The following IPCEF1 variants were observed in gnomAD, a reference collection of about 807,000 sequenced individuals.
The protein encoded by IPCEF1 is interaction protein for cytohesin exchange factors 1, also known as interactor protein for cytohesin exchange factors 1.
A neutral mutation model predicts 50.9 loss-of-function variants in IPCEF1; 31 were observed. The observed-to-expected ratio is 0.61, with a 90% CI of 0.46 to 0.82. The LOEUF (loss-of-function observed/expected upper bound fraction) is 0.82. Among genes scored for constraint, IPCEF1 ranks in the 40% least tolerant of loss-of-function variants. The probability of loss-of-function intolerance (pLI) is 0.00; values close to 1 mark genes in which losing one functional copy is unlikely to be tolerated. For synonymous variants in IPCEF1, 181 were observed against 192.0 expected (o/e 0.94, Z 0.47); for missense variants, 458 against 514.0 (o/e 0.89, Z 1.05).
chr6:154,354,550 A>T (rs1208418449), intron 1 of IPCEF1, among the ~76,000 whole-genome samples: 1 of 138,994 alleles, frequency 7.2e-6, no homozygotes, highest in Non-Finnish European at 1.5e-5. Flanking sequence ...CTCCATTACC[A>T]CCTCCACCAT....
chr6:154,294,293 T>A (rs1782583099), intron 1 of IPCEF1, among the ~76,000 whole-genome samples: 1 of 152,168 alleles, frequency 6.6e-6, no homozygotes, highest in Admixed American at 6.5e-5. Flanking sequence ...AAACAAAAAC[T>A]GGGCCGAATC....
In IPCEF1 at chr6:154,246,771, T is replaced by G; in HGVS notation, c.77-11A>C. 1 of 1,613,404 alleles carries G rather than the reference T, an allele frequency of 6.2e-7. No homozygotes were observed. Among genetic ancestry groups the G allele is most frequent in the Non-Finnish European group, 8.5e-7 (1 of 1,179,592 alleles). ...TCATCGTGAGAAAACCTGCAATGATTACATGAAGAGGTAGATAATGTATTA... is the reference window on the plus strand; with the variant it reads ...TCATCGTGAGAAAACCTGCAATGATGACATGAAGAGGTAGATAATGTATTA... On this transcript the variant is annotated splice_polypyrimidine_tract_variant and intron_variant, in intron 4 of 11. Transcript: ENST00000367220.
intron 10 of IPCEF1, among the ~76,000 whole-genome samples, chr6:154,172,409 A>G (rs916230180): frequency 6.6e-6 from 1 of 152,162 alleles, no homozygotes; most frequent in Non-Finnish European, 1.5e-5. Flanking sequence ...GAGTAACCGT[A>G]CCTGGAGGAA....
rs570630044 is a variant in IPCEF1 at position 154,221,226 on chromosome 6, A to T, written c.392+31T>A. The T allele has an allele frequency of 1.5e-4, 235 of 1,537,362 alleles. 4 individuals carry two copies. The South Asian group carries it at 2.5e-3, about 17-fold the overall frequency. On this transcript the variant is annotated intron_variant, in intron 7 of 11. Coordinates refer to ENST00000367220, the MANE Select transcript of IPCEF1 (RefSeq NM_001130700.2). Reference sequence around the variant, plus strand: ...GCTAAAGTTAAGTATATTCCCATTAAGGATGGGGTTTACCAGTTTCCTCTA... The same window carrying T: ...GCTAAAGTTAAGTATATTCCCATTATGGATGGGGTTTACCAGTTTCCTCTA...
intron 3 of IPCEF1, chr6:154,247,689 GAA>G (rs779004360): frequency 2.3e-3 from 805 of 349,926 alleles, no homozygotes; most frequent in South Asian, 4.6e-3. Flanking sequence ...AGCTGAACCT[GAA>G]AAAAAAAAAA....
intron 1 of IPCEF1, among the ~76,000 whole-genome samples, chr6:154,330,971 G>C (rs1204082930): frequency 6.6e-6 from 1 of 152,170 alleles, no homozygotes; most frequent in Non-Finnish European, 1.5e-5. Context: ...AGGGATGTCA[G>C]ACAACTGTCA....
At chr6:154,355,931 G>A (rs1784210255) in intron 1 of IPCEF1, among the ~76,000 whole-genome samples, 1 of 151,828 alleles carries the variant, frequency 6.6e-6, no homozygotes, top group Non-Finnish European at 1.5e-5. Flanking sequence ...GGGATTACAG[G>A]TGTGAGCCAT....
intron 2 of IPCEF1, among the ~76,000 whole-genome samples, chr6:154,287,872 G>A (rs1782402289): frequency 6.6e-6 from 1 of 152,142 alleles, no homozygotes; most frequent in Non-Finnish European, 1.5e-5. Flanking sequence ...TGAAAAATAT[G>A]AATATAAAAA....
At chr6:154,198,463 G>T (rs1776800243) in intron 10 of IPCEF1, among the ~76,000 whole-genome samples, 1 of 152,112 alleles carries the variant, frequency 6.6e-6, no homozygotes, top group African/African-American at 2.4e-5. Context: ...AATCTAGATA[G>T]TTGGCCTAAA....
At chr6:154,356,233 T>G (rs891727741) in intron 1 of IPCEF1, among the ~76,000 whole-genome samples, 1 of 152,158 alleles carries the variant, frequency 6.6e-6, no homozygotes, top group African/African-American at 2.4e-5. Flanking sequence ...GCCTGAGACC[T>G]TTATCAAAGT....
intron 3 of IPCEF1, among the ~76,000 whole-genome samples, chr6:154,254,279 A>G (rs987046385): frequency 6.6e-6 from 1 of 152,240 alleles, no homozygotes; most frequent in African/African-American, 2.4e-5. Flanking sequence ...GAGACTGGGT[A>G]ATTTATAAAC....
At chr6:154,346,685 T>C (rs1426735924) in intron 1 of IPCEF1, among the ~76,000 whole-genome samples, 2 of 152,200 alleles carry the variant, frequency 1.3e-5, no homozygotes, top group South Asian at 2.1e-4. Context: ...CTTCTTCACA[T>C]GGCAGCATGA....
rs762512318 is a variant in IPCEF1, at chr6:154,199,993, C to T, written c.585G>A (p.Ser195=). 2.9e-5 allele frequency: 47 copies of T among 1,613,966 alleles called. No homozygotes were observed. The highest frequency in any genetic ancestry group is 1.5e-4 in the Admixed American group (9 of 60,008). ...TATTTTCCAGGGAAGAGAAAGAATA[C>T]GACGTTCCACTCAGGCTGGGTGAGG... The part of the protein sequence containing the change: ...SSSSPSLSGT[S]YSFSSLENTV... Residue 195 remains serine (S), a synonymous_variant, in exon 10 of 12, where the codon TCG becomes TCA. Transcript: ENST00000367220.
At chr6:154,314,421 A>C (rs1405789727) in intron 1 of IPCEF1, among the ~76,000 whole-genome samples, 3 of 152,214 alleles carry the variant, frequency 2.0e-5, no homozygotes, top group African/African-American at 7.2e-5. Flanking sequence ...AATAGAAAAA[A>C]ATGCAAACAT....
At chr6:154,194,623 C>G (rs1221278449) in intron 10 of IPCEF1, among the ~76,000 whole-genome samples, 1 of 152,132 alleles carries the variant, frequency 6.6e-6, no homozygotes, top group Non-Finnish European at 1.5e-5. Context: ...ACCTTTGCCC[C>G]AGTGACTTCC....
In IPCEF1 at chr6:154,323,319, T is replaced by C. The variant is rs952777026; in HGVS notation, c.-62+33353A>G. Among the ~76,000 whole-genome samples the C allele has an allele frequency of 7.2e-5, 11 of 152,114 alleles. No individual in the cohort carries two copies. The South Asian group carries it at 2.1e-3, about 29-fold the overall frequency. Reference sequence around the variant, plus strand: ...ATACATATTCCAGTTCCCTTGCTCCTTGGGGACAGGGAACATATATTCTCC... The same window carrying C: ...ATACATATTCCAGTTCCCTTGCTCCCTGGGGACAGGGAACATATATTCTCC... On this transcript the variant is annotated intron_variant, in intron 1 of 11. Coordinates refer to ENST00000367220, the MANE Select transcript of IPCEF1 (RefSeq NM_001130700.2).
chr6:154,193,664 C>A (rs147722902), intron 10 of IPCEF1, among the ~76,000 whole-genome samples: 81 of 152,196 alleles, frequency 5.3e-4, no homozygotes, highest in Non-Finnish European at 8.8e-4. Flanking sequence ...AAATTGAAGA[C>A]CCCTCTGATA....
chr6:154,201,353 C>CCTTTGTCT (rs982309572), intron 9 of IPCEF1, among the ~76,000 whole-genome samples: 3 of 152,096 alleles, frequency 2.0e-5, no homozygotes, highest in Non-Finnish European at 4.4e-5. Flanking sequence ...TACATATAAG[C>CCTTTGTCT]CTTTGTCTCT....
Position 154,199,824 on chromosome 6 carries a change from C to T in IPCEF1, c.754G>A (p.Glu252Lys). ...TCCAGGGCCTTGTGGATGCCTGCCT[C>T]TGAGGGTACAGGTGAATGAACTTGC... ...AVQVHSPVPS[E>K]AGIHKALENS... Residue 252 changes from glutamate (E) to lysine (K), a missense_variant, in exon 10 of 12, where the codon GAG (glutamate) becomes AAG (lysine). Glu to Lys is a moderately conservative substitution (Grantham distance 56, BLOSUM62 1). Transcript: ENST00000367220. 1 of 1,614,174 alleles carries T rather than the reference C, an allele frequency of 6.2e-7. No homozygotes were observed. Among genetic ancestry groups the T allele is most frequent in the Non-Finnish European group, 8.5e-7 (1 of 1,180,026 alleles).
Sources: gnomAD v4.1 joint callset for allele counts (sites outside exome capture counted in the v4.1 genomes callset) on GRCh38, gnomAD v4.1.1 for gene constraint, MANE v1.5 for transcripts, NCBI Gene and HGNC (gene_info 2026-07-23, HGNC 2026-07-21) for gene names.